Variants in ADAMTSL1 observed in about 807,000 individuals in gnomAD.
ADAMTSL1 encodes ADAMTS like 1.
Under a neutral mutation model 201.8 loss-of-function variants are expected in ADAMTSL1, and 126 were observed. The ratio of observed to expected loss-of-function variants is 0.62; its 90% CI spans 0.54 to 0.72. ADAMTSL1 has a LOEUF of 0.72. ADAMTSL1 is among the 30% of genes least tolerant of loss of function. The pLI, the probability that ADAMTSL1 is intolerant of heterozygous loss-of-function variation, is 0.00. For missense variants in ADAMTSL1, 2,679 were observed against 2,277.8 expected, an observed-to-expected ratio of 1.18 and a Z score of -3.59; for synonymous variants, 1,121 against 903.4, an observed-to-expected ratio of 1.24 and a Z score of -4.32.
At chr9:18,737,456 C>T (rs1300238940) in intron 15 of ADAMTSL1, among the ~76,000 whole-genome samples, 1 of 151,946 alleles carries the variant, frequency 6.6e-6, no homozygotes, top group Non-Finnish European at 1.5e-5. Context: ...CTTGGGATTC[C>T]TTCACTTCTA....
chr9:18,754,769 G>A (rs1306376184), intron 16 of ADAMTSL1, among the ~76,000 whole-genome samples: 1 of 152,138 alleles, frequency 6.6e-6, no homozygotes, highest in Non-Finnish European at 1.5e-5. Context: ...TGAAGCCTCT[G>A]GCAACAGACA....
At chr9:18,258,620 C>G (rs1485140507) in intron 2 of ADAMTSL1, among the ~76,000 whole-genome samples, 2 of 152,194 alleles carry the variant, frequency 1.3e-5, no homozygotes, top group East Asian at 3.9e-4. Flanking sequence ...CCGCCAGTGC[C>G]TTCTCCAGGA....
intron 2 of ADAMTSL1, among the ~76,000 whole-genome samples, chr9:18,182,958 A>T (rs181405102): frequency 5.9e-5 from 9 of 152,178 alleles, no homozygotes; most frequent in African/African-American, 2.2e-4. Context: ...TCTGGCTGTA[A>T]TGATCATATA....
chr9:18,087,797 T>A (rs1405498426), intron 1 of ADAMTSL1, among the ~76,000 whole-genome samples: 1 of 152,180 alleles, frequency 6.6e-6, no homozygotes, highest in East Asian at 1.9e-4. Flanking sequence ...AGTGTTGTAT[T>A]GCTAAGGTTC....
chr9:17,974,738 T>A (rs1818369289), intron 1 of ADAMTSL1, among the ~76,000 whole-genome samples: 1 of 152,078 alleles, frequency 6.6e-6, no homozygotes, highest in Admixed American at 6.6e-5. Flanking sequence ...GATATATATG[T>A]GTGTATATTT....
intron 2 of ADAMTSL1, among the ~76,000 whole-genome samples, chr9:18,219,397 G>A (rs549052187): frequency 6.6e-6 from 1 of 151,218 alleles, no homozygotes; most frequent in South Asian, 2.1e-4. Context: ...GAGACAGTGT[G>A]TTGCTCTGTC....
intron 2 of ADAMTSL1, among the ~76,000 whole-genome samples, chr9:18,196,207 A>G (rs1468063388): frequency 1.3e-5 from 2 of 152,076 alleles, no homozygotes; most frequent in African/African-American, 4.8e-5. Flanking sequence ...CCACTCCTAA[A>G]CAAACTGCTA....
chr9:18,854,563 T>G (rs973144739), intron 23 of ADAMTSL1, among the ~76,000 whole-genome samples: 11 of 152,202 alleles, frequency 7.2e-5, no homozygotes, highest in Admixed American at 3.3e-4. Flanking sequence ...TGAATCAAGT[T>G]TATTTCTTGA....
chr9:18,064,128 G>C (rs923477740), intron 1 of ADAMTSL1, among the ~76,000 whole-genome samples: 4 of 152,142 alleles, frequency 2.6e-5, no homozygotes, highest in Non-Finnish European at 5.9e-5. Context: ...CAAGCAAATT[G>C]TAGATCTGGG....
chr9:18,823,712 G>A (rs769729797), intron 21 of ADAMTSL1, among the ~76,000 whole-genome samples: 12 of 152,124 alleles, frequency 7.9e-5, no homozygotes, highest in African/African-American at 1.4e-4. Context: ...TTGCAGGGCC[G>A]GCATGGTGGC....
At chr9:17,919,463 C>G (rs1423883772) in intron 1 of ADAMTSL1, among the ~76,000 whole-genome samples, 2 of 151,892 alleles carry the variant, frequency 1.3e-5, no homozygotes, top group African/African-American at 2.4e-5. Flanking sequence ...ATCTTGTACC[C>G]TTTATATCAC....
rs143046134 is a variant in ADAMTSL1, at chr9:17,963,018, C to G, written c.87+56096C>G. Among the ~76,000 whole-genome samples, 15 of 152,332 alleles carry G rather than the reference C, an allele frequency of 9.8e-5. No individual in the cohort carries two copies. The East Asian group carries it at 2.9e-3, about 29-fold the overall frequency. On this transcript the variant is annotated intron_variant, in intron 1 of 29. Transcript: ENST00000680146. Reference sequence around the variant, plus strand: ...CCCTGTGACCTTCGGGGCACTAAAACTTGCATTTAGCTACCTTTTGGCAAA... The same window carrying G: ...CCCTGTGACCTTCGGGGCACTAAAAGTTGCATTTAGCTACCTTTTGGCAAA...
intron 2 of ADAMTSL1, among the ~76,000 whole-genome samples, chr9:18,226,513 A>T (rs1830437352): frequency 6.6e-6 from 1 of 152,166 alleles, no homozygotes; most frequent in Non-Finnish European, 1.5e-5. Flanking sequence ...TTACAGTCAT[A>T]TCATAGCTAG....
rs33961485 is a variant in ADAMTSL1, at chr9:17,922,087, C to CTT, written c.87+15177_87+15178dup. On this transcript the variant is annotated intron_variant, in intron 1 of 29. Coordinates refer to the ADAMTSL1 transcript ENST00000680146. ...CTCTAAGGTGTGATTGCAGTTCAGG[C>CTT]TTTTTTTTTTTTTGTGGTGGAGAAT... Among the ~76,000 whole-genome samples the CTT allele has an allele frequency of 9.8e-3, 1,412 of 144,666 alleles. 17 individuals carry two copies. Among genetic ancestry groups the CTT allele is most frequent in the African/African-American group, 0.025 (973 of 39,588 alleles). 94.9% of individuals were successfully genotyped at this position (144,666 alleles called of 152,430 possible). A position where few individuals can be genotyped will look rare whatever the true frequency, so the allele number is the denominator to read the frequency against.
intron 2 of ADAMTSL1, among the ~76,000 whole-genome samples, chr9:18,241,590 CATG>C (rs1389579600): frequency 2.6e-5 from 4 of 151,926 alleles, no homozygotes; most frequent in Non-Finnish European, 5.9e-5. Flanking sequence ...ACATATATAA[CATG>C]ATGTTATAAG....
At chr9:18,543,270 C>G (rs1820266082) in intron 3 of ADAMTSL1, among the ~76,000 whole-genome samples, 2 of 151,986 alleles carry the variant, frequency 1.3e-5, no homozygotes, top group African/African-American at 4.8e-5. Flanking sequence ...AGAAGAACTG[C>G]TGTTGCTAGA....
At chr9:18,840,467 T>C (rs954353145) in intron 23 of ADAMTSL1, among the ~76,000 whole-genome samples, 2 of 152,170 alleles carry the variant, frequency 1.3e-5, no homozygotes, top group African/African-American at 2.4e-5. Context: ...AGTCAGGTAG[T>C]GTGATGCCTC....
chr9:18,531,662 T>G (rs1388816302), intron 2 of ADAMTSL1, among the ~76,000 whole-genome samples: 1 of 152,232 alleles, frequency 6.6e-6, no homozygotes, highest in Non-Finnish European at 1.5e-5. Flanking sequence ...CTAATACAAA[T>G]GCTATATGCA....
chr9:18,456,410 G>C (rs1820605411), intron 2 of ADAMTSL1, among the ~76,000 whole-genome samples: 1 of 152,022 alleles, frequency 6.6e-6, no homozygotes, highest in Non-Finnish European at 1.5e-5. Flanking sequence ...TGATTGCTTG[G>C]TCCACTAGAT....
Sources: allele counts gnomAD v4.1 joint callset (sites outside exome capture counted in the v4.1 genomes callset), GRCh38; gene constraint gnomAD v4.1.1; transcripts MANE v1.5; gene names NCBI Gene and HGNC (gene_info 2026-07-23, HGNC 2026-07-21).